The following TEX14 variants were observed in gnomAD, a reference collection of about 807,000 sequenced individuals.
TEX14 encodes the protein inactive serine/threonine-protein kinase TEX14.
TEX14 carries 168 observed loss-of-function variants against 178.6 expected under a neutral mutation model. That is an observed-to-expected ratio of 0.94 (90% CI 0.83 to 1.07). The LOEUF is 1.07. TEX14 is among the 50% of genes least tolerant of loss of function. The probability of loss-of-function intolerance (pLI) is 0.00; values close to 1 mark genes in which losing one functional copy is unlikely to be tolerated. For missense variants in TEX14, 1,730 were observed against 1,753.6 expected, an observed-to-expected ratio of 0.99 and a Z score of 0.24; for synonymous variants, 626 against 634.1, an observed-to-expected ratio of 0.99 and a Z score of 0.19.
intron 21 of TEX14, among the ~76,000 whole-genome samples, chr17:58,575,092 C>T (rs2044644572): frequency 6.6e-6 from 1 of 151,194 alleles, no homozygotes; most frequent in South Asian, 2.1e-4. Flanking sequence ...AGATCCCATG[C>T]TAAATCCTTC....
intron 1 of TEX14, among the ~76,000 whole-genome samples, chr17:58,690,134 G>A (rs2047668090): frequency 6.6e-6 from 1 of 151,134 alleles, no homozygotes; most frequent in Non-Finnish European, 1.5e-5. Context: ...GCTATAGATA[G>A]AGTTGAGTGG....
chr17:58,674,721 C>T (rs1300711929), intron 1 of TEX14, among the ~76,000 whole-genome samples: 1 of 151,480 alleles, frequency 6.6e-6, no homozygotes, highest in Admixed American at 6.6e-5. Flanking sequence ...ATCTTCCTGA[C>T]CTCCAATTAG....
intron 2 of TEX14, among the ~76,000 whole-genome samples, chr17:58,650,568 C>T (rs1387644362): frequency 6.6e-6 from 1 of 152,098 alleles, no homozygotes; most frequent in African/African-American, 2.4e-5. Flanking sequence ...CCTCAGCCTC[C>T]TGGTGTGGTG....
At position 58,567,123 on chromosome 17, in the gene TEX14, C is replaced by T. The variant is rs2044418660; in HGVS notation, c.3887-1299G>A. Among the ~76,000 whole-genome samples, 2 of 152,142 alleles carry T rather than the reference C, an allele frequency of 1.3e-5. 1 individual carries two copies. Among genetic ancestry groups the T allele is most frequent in the South Asian group, 4.1e-4 (2 of 4,826 alleles). On this transcript the variant is annotated intron_variant, in intron 26 of 31. Transcript: ENST00000349033. ...TGAAGGTTGCAGTGAGCTGAGATCA[C>T]TCCATTGCACTCTAGCCTGGGCAAC...
intron 5 of TEX14, among the ~76,000 whole-genome samples, chr17:58,618,472 TG>T (rs1421166290): frequency 6.6e-6 from 1 of 152,222 alleles, no homozygotes; most frequent in African/African-American, 2.4e-5. Flanking sequence ...CCCCCTTCAC[TG>T]AAGGTGTCTT....
chr17:58,633,803 C>T (rs1197067703), intron 2 of TEX14, among the ~76,000 whole-genome samples: 1 of 151,988 alleles, frequency 6.6e-6, no homozygotes, highest in Non-Finnish European at 1.5e-5. Flanking sequence ...CTCGTCTCTA[C>T]TAAAAAGTAC....
chr17:58,634,744 C>T (rs1312953285), intron 2 of TEX14, among the ~76,000 whole-genome samples: 1 of 152,162 alleles, frequency 6.6e-6, no homozygotes, highest in Non-Finnish European at 1.5e-5. Flanking sequence ...TTCAGGGCAC[C>T]TCTTTGAAGA....
chr17:58,653,224 C>T (rs1377987459), intron 1 of TEX14, among the ~76,000 whole-genome samples: 1 of 152,188 alleles, frequency 6.6e-6, no homozygotes, highest in Non-Finnish European at 1.5e-5. Context: ...GCGTGAGCCA[C>T]GGCGCCTGGT....
intron 29 of TEX14, among the ~76,000 whole-genome samples, chr17:58,560,918 T>C (rs1248077256): frequency 1.3e-5 from 2 of 152,234 alleles, no homozygotes; most frequent in East Asian, 1.9e-4. Context: ...CACAGAGTCA[T>C]TGCCCATGCC....
At chr17:58,662,413 TCTCACACACACACACA>T (rs1313122543) in intron 1 of TEX14, among the ~76,000 whole-genome samples, 120 of 127,740 alleles carry the variant, frequency 9.4e-4, no homozygotes, top group African/African-American at 3.6e-3. Context: ...AGCACACATA[TCTCACACACACACACA>T]CACACACACA....
At chr17:58,641,679 G>C (rs1423147470) in intron 2 of TEX14, among the ~76,000 whole-genome samples, 1 of 151,784 alleles carries the variant, frequency 6.6e-6, no homozygotes, top group Non-Finnish European at 1.5e-5. Flanking sequence ...GCTAATTTTT[G>C]TATTTTTAGT....
At chr17:58,623,181 TACACACACACACAC>T (rs34181308) in intron 3 of TEX14, among the ~76,000 whole-genome samples, 169 bp from the exon 4 acceptor site, 4 of 146,726 alleles carry the variant, frequency 2.7e-5, no homozygotes, top group South Asian at 2.2e-4. Flanking sequence ...GAACTTTCTG[TACACACACACACAC>T]ACACACACAC....
chr17:58,598,502 A>G (rs544560607), intron 14 of TEX14, among the ~76,000 whole-genome samples: 7 of 152,318 alleles, frequency 4.6e-5, no homozygotes, highest in Non-Finnish European at 7.4e-5. Context: ...TAAAACAGAA[A>G]TTTAATATGG....
At chr17:58,581,578 A>T in intron 19 of TEX14, 1 of 1,608,036 alleles carries the variant, frequency 6.2e-7, no homozygotes, top group East Asian at 2.2e-5. Context: ...GAGAAAGGTG[A>T]AAAGGTACTT....
At chr17:58,685,934 G>A (rs2143595515) in intron 1 of TEX14, among the ~76,000 whole-genome samples, 1 of 145,694 alleles carries the variant, frequency 6.9e-6, no homozygotes, top group African/African-American at 2.6e-5. Flanking sequence ...GGTGGAGGTT[G>A]CAGTGAGCCG....
chr17:58,597,313 C>T (rs548099723), intron 14 of TEX14, among the ~76,000 whole-genome samples: 66 of 152,148 alleles, frequency 4.3e-4, no homozygotes, highest in Middle Eastern at 3.4e-3. Context: ...GCAGGAGAAT[C>T]GCTTGAACCT....
intron 1 of TEX14, among the ~76,000 whole-genome samples, chr17:58,664,395 C>T (rs2047172215): frequency 6.6e-6 from 1 of 152,144 alleles, no homozygotes; most frequent in South Asian, 2.1e-4. Flanking sequence ...TTGTCTACTC[C>T]AGTATTTTTG....
intron 9 of TEX14, among the ~76,000 whole-genome samples, 168 bp from the exon 10 acceptor site, chr17:58,611,507 G>C (rs576378518): frequency 6.6e-6 from 1 of 152,284 alleles, no homozygotes; most frequent in South Asian, 2.1e-4. Context: ...ATGGCCTGAC[G>C]TCCCAATGAC....
At chr17:58,616,368 A>T in intron 6 of TEX14, 63 bp from the exon 7 acceptor site, 6 of 1,571,992 alleles carry the variant, frequency 3.8e-6, no homozygotes, top group Non-Finnish European at 5.2e-6. Flanking sequence ...TACATCCAGA[A>T]TCTTATCAGC....
Sources: allele counts gnomAD v4.1 joint callset (sites outside exome capture counted in the v4.1 genomes callset), GRCh38; gene constraint gnomAD v4.1.1; transcripts MANE v1.5; gene names NCBI Gene and HGNC (gene_info 2026-07-23, HGNC 2026-07-21).